SP140: variants seen among roughly 807,000 people sequenced by gnomAD.
SP140 encodes nuclear body protein SP140.
SP140 carries 81 observed loss-of-function variants against 125.0 expected under a neutral mutation model. That is an observed-to-expected ratio of 0.65 (90% CI 0.54 to 0.78). The LOEUF (loss-of-function observed/expected upper bound fraction) is 0.78. SP140 is among the 30% of genes least tolerant of loss of function. The probability of loss-of-function intolerance (pLI) is 0.00; values close to 1 mark genes in which losing one functional copy is unlikely to be tolerated. For synonymous variants in SP140, 312 were observed against 354.0 expected, an observed-to-expected ratio of 0.88 and a Z score of 1.33; for missense variants, 858 against 1,037.0, an observed-to-expected ratio of 0.83 and a Z score of 2.37.
At chr2:230,200,675 T>C (rs2043089586), upstream of SP140, 2 of 600,404 alleles carry the variant, frequency 3.3e-6, no homozygotes, top group South Asian at 2.0e-5. Flanking sequence ...TATACATACA[T>C]ACATATGGAC....
At chr2:230,285,270 G>A (rs2056221305) in intron 16 of SP140, among the ~76,000 whole-genome samples, 1 of 152,158 alleles carries the variant, frequency 6.6e-6, no homozygotes, top group Non-Finnish European at 1.5e-5. Context: ...TGAAGGCTAA[G>A]TCTCATTTTC....
At chr2:230,212,556 G>T in intron 1 of SP140, 1 of 1,043,998 alleles carries the variant, frequency 9.6e-7, no homozygotes, top group Non-Finnish European at 1.5e-6. Context: ...AATGTCCCGG[G>T]AGTGGGAAGC....
intron 21 of SP140, among the ~76,000 whole-genome samples, chr2:230,295,307 G>A (rs2149507427): frequency 6.6e-6 from 1 of 152,278 alleles, no homozygotes; most frequent in East Asian, 1.9e-4. Context: ...TGAGATGCAG[G>A]CCTTTACATT....
chr2:230,291,414 C>T (rs1337803919), intron 19 of SP140, among the ~76,000 whole-genome samples: 1 of 152,192 alleles, frequency 6.6e-6, no homozygotes, highest in Non-Finnish European at 1.5e-5. Context: ...AAGAAAAGCC[C>T]ATGTCAATTA....
intron 15 of SP140, among the ~76,000 whole-genome samples, chr2:230,275,499 A>G (rs1036681022): frequency 1.3e-5 from 2 of 152,180 alleles, no homozygotes; most frequent in African/African-American, 4.8e-5. Flanking sequence ...CTGTGTTCGT[A>G]TAAGATGGCA....
Position 230,273,097 on chromosome 2 carries a change from A to T in SP140, c.1498+2458A>T, listed in dbSNP as rs1455891180. Among the ~76,000 whole-genome samples, 13 of 152,232 alleles carry T rather than the reference A, an allele frequency of 8.5e-5. 1 individual carries two copies. The highest frequency in any genetic ancestry group is 8.5e-4 in the Admixed American group (13 of 15,270). On this transcript the variant is annotated intron_variant, in intron 15 of 26. Coordinates refer to ENST00000392045, the MANE Select transcript of SP140 (RefSeq NM_007237.5). ...ATAAAAGCAAAAATTGAAAAATGGGATCTAATTAAACTAAAGAGTTTCTGC... is the reference window on the plus strand; with the variant it reads ...ATAAAAGCAAAAATTGAAAAATGGGTTCTAATTAAACTAAAGAGTTTCTGC...
At chr2:230,299,892 C>A (rs895158971) in intron 22 of SP140, among the ~76,000 whole-genome samples, 2 of 152,074 alleles carry the variant, frequency 1.3e-5, no homozygotes, top group African/African-American at 4.8e-5. Context: ...AGGCATAATC[C>A]CCTCTGGAAC....
intron 22 of SP140, among the ~76,000 whole-genome samples, chr2:230,298,586 G>A (rs1575306420): frequency 6.6e-6 from 1 of 152,132 alleles, no homozygotes; most frequent in South Asian, 2.1e-4. Flanking sequence ...GGGGAGAAGA[G>A]GGAAACAGTT....
At chr2:230,269,778 C>T in intron 13 of SP140, 59 bp from the exon 14 acceptor site, 6 of 1,355,388 alleles carry the variant, frequency 4.4e-6, no homozygotes, top group Non-Finnish European at 6.3e-6. Flanking sequence ...AACAAGGGTG[C>T]AGAAAATAGA....
intron 11 of SP140, 60 bp downstream of exon 11, chr2:230,253,477 GA>G: frequency 7.8e-7 from 1 of 1,273,898 alleles, no homozygotes; most frequent in Non-Finnish European, 1.1e-6. Context: ...GTTGGCATGG[GA>G]AAAAAGCTTC....
chr2:230,283,511 A>AG (rs1232047147), intron 15 of SP140, among the ~76,000 whole-genome samples: 1 of 152,196 alleles, frequency 6.6e-6, no homozygotes, highest in Non-Finnish European at 1.5e-5. Flanking sequence ...AGGAATGACC[A>AG]GGGTCACAAC....
intron 22 of SP140, among the ~76,000 whole-genome samples, chr2:230,299,030 T>G (rs1469517654): frequency 6.6e-6 from 1 of 152,092 alleles, no homozygotes; most frequent in African/African-American, 2.4e-5. Context: ...ACCAGAGAAA[T>G]CAAATCTCTT....
At chr2:230,258,590 T>G (rs1263092851) in intron 12 of SP140, among the ~76,000 whole-genome samples, 1 of 152,228 alleles carries the variant, frequency 6.6e-6, no homozygotes, top group Admixed American at 6.5e-5. Flanking sequence ...CTTCTAATTA[T>G]AGCATTCTGG....
At chr2:230,186,658 G>C in the SP140 span, among the ~76,000 whole-genome samples, 2,744 of 151,910 alleles carry the variant, frequency 0.018, 74 homozygotes, top group African/African-American at 0.063. Flanking sequence ...CCCCTCCTCC[G>C]TCCCTCTCCT....
chr2:230,315,183 C>T (rs1169933419), downstream of SP140, among the ~76,000 whole-genome samples: 1 of 152,196 alleles, frequency 6.6e-6, no homozygotes, highest in African/African-American at 2.4e-5. Context: ...ACCCCTTGCC[C>T]AGCTTCCAAA....
rs1188198226 is a variant in SP140 at position 230,216,911 on chromosome 2, C to T, written c.-91+2837C>T. 3.7e-6 allele frequency: 6 copies of T among 1,613,692 alleles called. No individual in the cohort carries two copies. The South Asian group carries it at 4.4e-5, about 12-fold the overall frequency. ...CTGAAAAAGAGCCTCTTCCATGGCTCTTGTCATGGTGAACATCCTATGGAA... is the reference window on the plus strand; with the variant it reads ...CTGAAAAAGAGCCTCTTCCATGGCTTTTGTCATGGTGAACATCCTATGGAA... On this transcript the variant is annotated intron_variant, in intron 3 of 4. Coordinates refer to the SP140 transcript ENST00000456542.
Position 230,287,920 on chromosome 2 carries a change from C to T in SP140, c.1674C>T (p.Arg558=), listed in dbSNP as rs761783750. The T allele has an allele frequency of 1.9e-6, 3 of 1,612,242 alleles. No homozygotes were observed. Among genetic ancestry groups the T allele is most frequent in the Non-Finnish European group, 2.5e-6 (3 of 1,179,708 alleles). The change falls in exon 18 of 27, where the codon CGC becomes CGT. Residue 558 remains arginine (R), a synonymous_variant. Coordinates refer to ENST00000392045, the MANE Select transcript of SP140 (RefSeq NM_007237.5). ...GAAAGAGAGGCAAACCTGGAACCCGCTTCACTCAGAGTGACAGAGCTGCAC... is the reference window on the plus strand; with the variant it reads ...GAAAGAGAGGCAAACCTGGAACCCGTTTCACTCAGAGTGACAGAGCTGCAC... ...RGRKRGKPGT[R]FTQSDRAAQK... is the part of the protein sequence containing the mutation.
At chr2:230,243,605 T>G in intron 4 of SP140, 126 bp from the exon 5 acceptor site, 2 of 681,732 alleles carry the variant, frequency 2.9e-6, no homozygotes, top group Non-Finnish European at 5.2e-6. Flanking sequence ...TCAGGTCAGG[T>G]TGTTTGGGGA....
upstream of SP140, among the ~76,000 whole-genome samples, chr2:230,198,988 G>A (rs1014316037): frequency 3.3e-5 from 5 of 151,906 alleles, no homozygotes; most frequent in Admixed American, 6.6e-5. Flanking sequence ...ATGCTGGCTG[G>A]ACCTCAATAA....
Sources: gnomAD v4.1 joint callset for allele counts (sites outside exome capture counted in the v4.1 genomes callset) on GRCh38, gnomAD v4.1.1 for gene constraint, MANE v1.5 for transcripts, NCBI Gene and HGNC (gene_info 2026-07-23, HGNC 2026-07-21) for gene names.